Variants in DSG1 observed in about 807,000 individuals in gnomAD.
DSG1 encodes desmoglein-1.
In DSG1, 39 loss-of-function variants were observed where a neutral mutation model predicts 97.5. That is an observed-to-expected ratio of 0.40 (90% CI 0.31 to 0.52). The LOEUF is 0.52. DSG1 is among the 20% of genes least tolerant of loss of function. The probability of loss-of-function intolerance (pLI) is 0.53; values close to 1 mark genes in which losing one functional copy is unlikely to be tolerated. For missense variants in DSG1, 1,311 were observed against 1,295.4 expected, an observed-to-expected ratio of 1.01 and a Z score of -0.18; for synonymous variants, 475 against 443.4, an observed-to-expected ratio of 1.07 and a Z score of -0.90.
intron 10 of DSG1, among the ~76,000 whole-genome samples, chr18:31,338,832 A>C (rs2071771126): frequency 6.6e-6 from 1 of 152,188 alleles, no homozygotes; most frequent in Non-Finnish European, 1.5e-5. Context: ...GTTGAGCTGA[A>C]AGGACATGGG....
chr18:31,321,351 A>C (rs1598695218), intron 1 of DSG1, among the ~76,000 whole-genome samples: 2 of 152,088 alleles, frequency 1.3e-5, no homozygotes, highest in African/African-American at 2.4e-5. Context: ...GTACAGACCA[A>C]ACAGAAGACA....
chr18:31,345,082 C>G (rs2071820793), intron 13 of DSG1, among the ~76,000 whole-genome samples: 1 of 152,174 alleles, frequency 6.6e-6, no homozygotes, highest in Admixed American at 6.5e-5. Context: ...AATCAGTTCT[C>G]AAGACATTTA....
intron 10 of DSG1, among the ~76,000 whole-genome samples, chr18:31,339,541 A>C (rs904593246): frequency 6.6e-6 from 1 of 151,982 alleles, no homozygotes; most frequent in South Asian, 2.1e-4. Flanking sequence ...ACTATGACTA[A>C]TAATGTTAGT....
intron 4 of DSG1, 62 bp from the exon 5 acceptor site, chr18:31,329,830 T>C: frequency 2.5e-6 from 4 of 1,583,582 alleles, no homozygotes; most frequent in Non-Finnish European, 2.6e-6. Flanking sequence ...AGCATAATGC[T>C]CAAAGTAAGA....
rs961052517 is a variant in DSG1, at chr18:31,355,131, C to A, written c.2935C>A (p.Leu979Met). The change falls in exon 15 of 15, where the codon CTG (leucine) becomes ATG (methionine). Residue 979 changes from leucine to methionine, a missense_variant. Coordinates refer to ENST00000257192, the MANE Select transcript of DSG1 (RefSeq NM_001942.4). ...CAGCGGTGGCATAGGCAGCAGTGGC[C>A]TGGTTGGCACCAGCATGGGTGCTGG... ...GISGGIGSSGLVGTSMGAGSG... is the reference protein window; with the variant it reads ...GISGGIGSSGMVGTSMGAGSG... 6.2e-7 allele frequency: 1 copy of A among 1,612,828 alleles called. No homozygotes were observed.
At position 31,358,248 on chromosome 18, in the gene DSG1, T is replaced by C. The variant is rs914012954; in HGVS notation, c.*2902T>C. Among the ~76,000 whole-genome samples the C allele has an allele frequency of 6.6e-6, 1 of 152,034 alleles. No homozygotes were observed. Among genetic ancestry groups the C allele is most frequent in the Non-Finnish European group, 1.5e-5 (1 of 67,890 alleles). On this transcript the variant is annotated 3_prime_UTR_variant, in exon 15 of 15. Transcript: ENST00000257192. ...GGAGCAAAAATCAGTGTATTATAAA[T>C]ACTTTACCATTTAATATCAACCAAA...
chr18:31,331,338 T>C (rs576574298), intron 5 of DSG1, among the ~76,000 whole-genome samples: 1 of 152,218 alleles, frequency 6.6e-6, no homozygotes, highest in East Asian at 1.9e-4. Context: ...ATCATATAGC[T>C]AGAAAGTGTT....
chr18:31,335,073 C>T (rs930963), intron 8 of DSG1, among the ~76,000 whole-genome samples: 15 of 151,944 alleles, frequency 9.9e-5, no homozygotes, highest in Admixed American at 4.6e-4. Flanking sequence ...TGTCCCCATA[C>T]GAATGTGTGG....
intron 9 of DSG1, among the ~76,000 whole-genome samples, chr18:31,336,939 A>G (rs549981008): frequency 1.3e-5 from 2 of 152,202 alleles, no homozygotes; most frequent in Non-Finnish European, 2.9e-5. Context: ...AGAAGAGTTT[A>G]AGGAATGATT....
At chr18:31,328,952 T>G (rs10164077) in intron 4 of DSG1, among the ~76,000 whole-genome samples, 56,599 of 151,972 alleles carry the variant, frequency 0.37, 12,738 homozygotes, top group Non-Finnish European at 0.5. Flanking sequence ...TCCTATCTCT[T>G]CAAACCCTCA....
At position 31,355,440 on chromosome 18, in the gene DSG1, C is replaced by T. The variant is rs917888349; in HGVS notation, c.*94C>T. Reference sequence around the variant, plus strand: ...CAATGTGATTTATAACGCACAACTTCGTGCTCAGGTCATCTAGGAGCAAGG... The same window carrying T: ...CAATGTGATTTATAACGCACAACTTTGTGCTCAGGTCATCTAGGAGCAAGG... On this transcript the variant is annotated 3_prime_UTR_variant, in exon 15 of 15. Coordinates refer to ENST00000257192, the MANE Select transcript of DSG1 (RefSeq NM_001942.4). The T allele has an allele frequency of 3.9e-6, 5 of 1,268,928 alleles. No individual in the cohort carries two copies. The highest frequency in any genetic ancestry group is 3.8e-5 in the South Asian group (3 of 79,246). 78.6% of individuals were successfully genotyped at this position (1,268,928 alleles called of 1,614,324 possible).
At chr18:31,335,200 A>G (rs916446700) in intron 8 of DSG1, among the ~76,000 whole-genome samples, 1 of 152,100 alleles carries the variant, frequency 6.6e-6, no homozygotes, top group African/African-American at 2.4e-5. Context: ...ATTAGGTTAT[A>G]TTATTTCCAT....
intron 4 of DSG1, 95 bp downstream of exon 4, chr18:31,328,439 C>T: frequency 1.5e-6 from 2 of 1,312,334 alleles, no homozygotes; most frequent in Non-Finnish European, 1.1e-6. Context: ...TCAAGAGTCT[C>T]AATATTTGGC....
In DSG1 at chr18:31,355,440, C is replaced by G. The variant is rs917888349; in HGVS notation, c.*94C>G. The G allele has an allele frequency of 7.1e-6, 9 of 1,268,930 alleles. No individual in the cohort carries two copies. Among genetic ancestry groups the G allele is most frequent in the Non-Finnish European group, 1.0e-5 (9 of 892,276 alleles). 78.6% of individuals were successfully genotyped at this position (1,268,930 alleles called of 1,614,324 possible). A position where few individuals can be genotyped will look rare whatever the true frequency, so the allele number is the denominator to read the frequency against. ...CAATGTGATTTATAACGCACAACTT[C>G]GTGCTCAGGTCATCTAGGAGCAAGG... On this transcript the variant is annotated 3_prime_UTR_variant, in exon 15 of 15. Coordinates refer to ENST00000257192, the MANE Select transcript of DSG1 (RefSeq NM_001942.4).
intron 5 of DSG1, 109 bp downstream of exon 5, chr18:31,330,145 G>A (rs997013885): frequency 1.5e-6 from 2 of 1,362,856 alleles, no homozygotes; most frequent in Admixed American, 1.7e-5. Flanking sequence ...CTATAGAAAA[G>A]ATGCAGAATA....
intron 14 of DSG1, chr18:31,347,628 C>G (rs749846638): frequency 6.6e-6 from 1 of 152,266 alleles, no homozygotes; most frequent in Non-Finnish European, 1.5e-5. Context: ...TCCACTATTA[C>G]GAACAACAAA....
Position 31,334,017 on chromosome 18 carries a change from T to C in DSG1, c.820T>C (p.Tyr274His). ...TAAGAGTTTTCACTTCTTGTTTCAG[T>C]ATACCATAGAAATTCAAGAAAATAC... is the stretch of plus-strand genomic sequence containing the variant. ...DNIPYMEQSSYTIEIQENTLN... is the reference protein window; with the variant it reads ...DNIPYMEQSSHTIEIQENTLN... Residue 274 changes from tyrosine to histidine, a missense_variant and splice_region_variant, in exon 8 of 15, where the codon TAT (tyrosine) becomes CAT (histidine). Coordinates refer to ENST00000257192, the MANE Select transcript of DSG1 (RefSeq NM_001942.4). 6.3e-7 allele frequency: 1 copy of C among 1,596,018 alleles called. No homozygotes were observed. The highest frequency in any genetic ancestry group is 1.3e-5 in the African/African-American group (1 of 74,616).
chr18:31,336,598 C>T lies in DSG1; in HGVS notation c.1250C>T (p.Pro417Leu). Residue 417 changes from proline (P) to leucine (L), a missense_variant, in exon 9 of 15, where the codon CCT becomes CTT. Pro to Leu is a moderately conservative substitution (Grantham distance 98). This residue lies in a region of DSG1 where 1,038 missense variants were observed against 964.6 expected (regional missense o/e 1.08). Coordinates refer to ENST00000257192, the MANE Select transcript of DSG1 (RefSeq NM_001942.4). Reference sequence around the variant, plus strand: ...GCTACTGACCTGGACACAGGTAGACCTTCAACGACTGTTAGGTAAGAATGA... The same window carrying T: ...GCTACTGACCTGGACACAGGTAGACTTTCAACGACTGTTAGGTAAGAATGA... ...FVATDLDTGR[P>L]STTVRYVMGN... 2 of 1,613,962 alleles carry T rather than the reference C, an allele frequency of 1.2e-6. No individual in the cohort carries two copies. Among genetic ancestry groups the T allele is most frequent in the Non-Finnish European group, 8.5e-7 (1 of 1,179,924 alleles).
chr18:31,318,946 G>A (rs1296976231), intron 1 of DSG1, among the ~76,000 whole-genome samples: 2 of 152,034 alleles, frequency 1.3e-5, no homozygotes, highest in Non-Finnish European at 2.9e-5. Flanking sequence ...TCAAAAAACG[G>A]CAGTACAGGA....
Sources: gnomAD v4.1 joint callset for allele counts (sites outside exome capture counted in the v4.1 genomes callset) on GRCh38, gnomAD v4.1.1 for gene constraint, gnomAD v4.1.1 regional missense constraint, MANE v1.5 for transcripts, NCBI Gene and HGNC (gene_info 2026-07-23, HGNC 2026-07-21) for gene names.